Variants in HTR1F observed in about 807,000 individuals in gnomAD.
HTR1F encodes 5-hydroxytryptamine receptor 1F.
Under a neutral mutation model 24.0 loss-of-function variants are expected in HTR1F, and 17 were observed. That is an observed-to-expected ratio of 0.71 (90% CI 0.48 to 1.06). The LOEUF (loss-of-function observed/expected upper bound fraction) is 1.06. HTR1F is among the 50% of genes least tolerant of loss of function. HTR1F has a pLI of 0.00. For synonymous variants in HTR1F, 186 were observed against 156.8 expected, an observed-to-expected ratio of 1.19 and a Z score of -1.39; for missense variants, 391 against 427.8, an observed-to-expected ratio of 0.91 and a Z score of 0.76.
chr3:87,966,934 T>A (rs1426550430), intron 2 of HTR1F, among the ~76,000 whole-genome samples: 1 of 152,150 alleles, frequency 6.6e-6, no homozygotes, highest in Non-Finnish European at 1.5e-5. Flanking sequence ...TACTCCAACT[T>A]TATACTCTTA....
intron 1 of HTR1F, among the ~76,000 whole-genome samples, chr3:87,794,239 T>C (rs1703865707): frequency 6.6e-6 from 1 of 152,164 alleles, no homozygotes; most frequent in Non-Finnish European, 1.5e-5. Context: ...TTGCAGTCTC[T>C]TCCTCTTCTT....
intron 2 of HTR1F, among the ~76,000 whole-genome samples, chr3:87,856,212 T>C (rs1220032906): frequency 1.3e-5 from 2 of 151,954 alleles, no homozygotes; most frequent in Non-Finnish European, 2.9e-5. Context: ...TATAGATATT[T>C]ATTTATAGAA....
chr3:87,985,308 C>A (rs975546943), intron 2 of HTR1F, among the ~76,000 whole-genome samples: 1 of 150,922 alleles, frequency 6.6e-6, no homozygotes, highest in Non-Finnish European at 1.5e-5. Context: ...TGTATTCCAG[C>A]CTGGGCAACA....
chr3:87,990,391 T>A (rs1048254533), intron 2 of HTR1F, among the ~76,000 whole-genome samples: 1 of 152,206 alleles, frequency 6.6e-6, no homozygotes, highest in Non-Finnish European at 1.5e-5. Flanking sequence ...TTAAACTTTT[T>A]CTGACATGGA....
chr3:87,978,316 G>C (rs926440986), intron 2 of HTR1F, among the ~76,000 whole-genome samples: 3 of 152,164 alleles, frequency 2.0e-5, no homozygotes, highest in African/African-American at 4.8e-5. Flanking sequence ...CCCACAACTT[G>C]ATGAGTCGGG....
At chr3:87,831,811 G>T (rs543431028) in intron 2 of HTR1F, among the ~76,000 whole-genome samples, 1 of 152,164 alleles carries the variant, frequency 6.6e-6, no homozygotes, top group African/African-American at 2.4e-5. Context: ...CCGTCTGATT[G>T]GTTTACTCAT....
chr3:87,851,816 C>CA (rs1705092269), intron 2 of HTR1F, among the ~76,000 whole-genome samples: 1 of 151,252 alleles, frequency 6.6e-6, no homozygotes, highest in Non-Finnish European at 1.5e-5. Flanking sequence ...TTCTTCCTGT[C>CA]AAAAAACCTA....
At chr3:87,950,702 C>G (rs1361200718) in intron 2 of HTR1F, among the ~76,000 whole-genome samples, 1 of 152,094 alleles carries the variant, frequency 6.6e-6, no homozygotes, top group Non-Finnish European at 1.5e-5. Context: ...GAAAGGGGAG[C>G]TTTTACTGCA....
chr3:87,877,716 C>T (rs1305993710), intron 2 of HTR1F, among the ~76,000 whole-genome samples: 4 of 152,134 alleles, frequency 2.6e-5, no homozygotes, highest in Admixed American at 2.0e-4. Context: ...AACTCTAAAG[C>T]TCAAGCTCCC....
Position 87,991,737 on chromosome 3 carries a change from A to C in HTR1F, c.988A>C (p.Asn330His). The change falls in exon 3 of 3, where the codon AAT becomes CAT. Residue 330 changes from asparagine (N) to histidine (H), a missense_variant. By Grantham distance (68) the Asn-to-His change is moderately conservative (BLOSUM62 1). Transcript: ENST00000319595. ...ATGTAAAATTTCTGAAGAAATGTCC[A>C]ATTTTTTGGCATGGCTTGGGTATCT... is the stretch of plus-strand genomic sequence containing the variant. ...DKCKISEEMSNFLAWLGYLNS... is the reference protein window; with the variant it reads ...DKCKISEEMSHFLAWLGYLNS... 6.2e-7 allele frequency: 1 copy of C among 1,613,934 alleles called. No homozygotes were observed. Among genetic ancestry groups the C allele is most frequent in the Non-Finnish European group, 8.5e-7 (1 of 1,179,884 alleles).
intron 2 of HTR1F, chr3:87,910,382 T>G (rs1180046109): frequency 6.6e-6 from 1 of 151,952 alleles, no homozygotes; most frequent in Non-Finnish European, 1.5e-5. Context: ...AAAAGACAAT[T>G]ACATAACAGT....
chr3:87,908,190 C>T (rs1559626881), intron 2 of HTR1F, among the ~76,000 whole-genome samples: 1 of 151,864 alleles, frequency 6.6e-6, no homozygotes, highest in Non-Finnish European at 1.5e-5. Context: ...CCTTATATTA[C>T]TATTAATCTA....
chr3:87,857,775 C>T (rs1705227245), intron 2 of HTR1F, among the ~76,000 whole-genome samples: 1 of 152,088 alleles, frequency 6.6e-6, no homozygotes, highest in Non-Finnish European at 1.5e-5. Context: ...TTAGGGTTCA[C>T]TCTTGGTGTT....
chr3:87,949,013 G>GCGTA (rs1174436377), intron 2 of HTR1F, among the ~76,000 whole-genome samples: 2 of 152,032 alleles, frequency 1.3e-5, no homozygotes, highest in African/African-American at 4.8e-5. Flanking sequence ...AAACCAAATT[G>GCGTA]TGTATCTATT....
At chr3:87,872,874 T>A (rs1221684741) in intron 2 of HTR1F, among the ~76,000 whole-genome samples, 1 of 151,904 alleles carries the variant, frequency 6.6e-6, no homozygotes, top group South Asian at 2.1e-4. Flanking sequence ...AAAGAAAAAT[T>A]GACACCAATC....
intron 2 of HTR1F, among the ~76,000 whole-genome samples, chr3:87,942,198 AG>A (rs991755109): frequency 6.6e-6 from 1 of 152,106 alleles, no homozygotes; most frequent in African/African-American, 2.4e-5. Flanking sequence ...CTCCCTAACA[AG>A]GGAGTGGGGC....
chr3:87,902,572 T>G (rs1421721861), intron 2 of HTR1F, among the ~76,000 whole-genome samples: 2 of 152,098 alleles, frequency 1.3e-5, no homozygotes, highest in East Asian at 3.9e-4. Flanking sequence ...AAGAATTTCT[T>G]TTTTTTGTTT....
chr3:87,820,658 G>A (rs1434087676), intron 1 of HTR1F, among the ~76,000 whole-genome samples: 15 of 151,984 alleles, frequency 9.9e-5, no homozygotes, highest in Non-Finnish European at 1.8e-4. Context: ...AAGGTAAATT[G>A]TAATAAATTT....
chr3:87,939,946 T>C (rs567672833), intron 2 of HTR1F, among the ~76,000 whole-genome samples: 1 of 152,328 alleles, frequency 6.6e-6, no homozygotes, highest in South Asian at 2.1e-4. Flanking sequence ...GTTCTTTTAA[T>C]TGTAATGTTA....
Sources: gnomAD v4.1 joint callset for allele counts (sites outside exome capture counted in the v4.1 genomes callset) on GRCh38, gnomAD v4.1.1 for gene constraint, MANE v1.5 for transcripts, NCBI Gene and HGNC (gene_info 2026-07-23, HGNC 2026-07-21) for gene names.